SETD5: variants seen among roughly 807,000 people sequenced by gnomAD.
The protein encoded by SETD5 is SET domain containing 5.
SETD5 carries 44 observed loss-of-function variants against 153.3 expected under a neutral mutation model. The ratio of observed to expected loss-of-function variants is 0.29; its 90% CI spans 0.23 to 0.37. The LOEUF is 0.37. Ranked by LOEUF, SETD5 falls within the 10% of genes least tolerant of loss-of-function variation. The probability of loss-of-function intolerance (pLI) is 1.00; values close to 1 mark genes in which losing one functional copy is unlikely to be tolerated. For missense variants in SETD5, 1,544 were observed against 1,768.0 expected (o/e 0.87, Z 2.27); for synonymous variants, 716 against 645.2 (o/e 1.11, Z -1.66).
At chr3:9,410,430 A>G (rs2036387062) in intron 1 of SETD5, among the ~76,000 whole-genome samples, 1 of 152,196 alleles carries the variant, frequency 6.6e-6, no homozygotes, top group African/African-American at 2.4e-5. Flanking sequence ...ATAGTTCTCT[A>G]TGGTTGTGCC....
intron 1 of SETD5, among the ~76,000 whole-genome samples, chr3:9,413,489 C>T (rs1239816521): frequency 6.6e-6 from 1 of 152,116 alleles, no homozygotes; most frequent in Non-Finnish European, 1.5e-5. Flanking sequence ...TGCTGCCCAT[C>T]TGTAGTTTTG....
Position 9,452,659 on chromosome 3 carries a change from A to ATTTTTTTTTT in SETD5, c.2347-1064_2347-1055dup, listed in dbSNP as rs1164278885. On this transcript the variant is annotated intron_variant, in intron 16 of 22. Coordinates refer to ENST00000402198, the MANE Select transcript of SETD5 (RefSeq NM_001080517.3). ...CACAATGACATTTGTATGATGTAAG[A>ATTTTTTTTTT]TTTTTTTTTTTTTTTTTTTTTTTTT... 8.4e-5 allele frequency among the ~76,000 whole-genome samples: 5 copies of ATTTTTTTTTT among 59,822 alleles called. No individual in the cohort carries two copies. In the East Asian group the frequency reaches 2.1e-3, roughly 25 times the overall value. 39.2% of individuals were successfully genotyped at this position (59,822 alleles called of 152,430 possible). A position where few individuals can be genotyped will look rare whatever the true frequency, so the allele number is the denominator to read the frequency against.
chr3:9,469,431 T>A (rs2045034639), intron 18 of SETD5, among the ~76,000 whole-genome samples: 2 of 152,304 alleles, frequency 1.3e-5, no homozygotes, highest in South Asian at 4.1e-4. Context: ...TTTAACCCTA[T>A]CCCCTTCCAA....
At chr3:9,448,753 A>G in intron 16 of SETD5, 123 bp downstream of exon 16, 1 of 934,834 alleles carries the variant, frequency 1.1e-6, no homozygotes. Flanking sequence ...TGCCCATGTG[A>G]GTTTATAATG....
At chr3:9,471,473 C>T (rs2045294420) in intron 19 of SETD5, among the ~76,000 whole-genome samples, 1 of 152,144 alleles carries the variant, frequency 6.6e-6, no homozygotes, top group Admixed American at 6.5e-5. Context: ...AGGTATGTTA[C>T]AGTAGAGGGA....
intron 13 of SETD5, among the ~76,000 whole-genome samples, chr3:9,446,221 A>AGCTT (rs1339427580): frequency 7.3e-6 from 1 of 136,876 alleles, no homozygotes; most frequent in Non-Finnish European, 1.5e-5. Context: ...TGGGAGGCAG[A>AGCTT]GCTTGCAGTG....
rs769599114 is a variant in SETD5 at position 9,464,501 on chromosome 3, G to T, written c.2553G>T (p.Leu851=). The change falls in exon 18 of 23, where the codon CTG becomes CTT. Residue 851 remains leucine (L), a synonymous_variant. Coordinates refer to ENST00000402198, the MANE Select transcript of SETD5 (RefSeq NM_001080517.3). ...ATGTCACCAAGTTACTTCGGCCTCT[G>T]TCTCCAGTCACACCACCCCCTCCCA... ...EQNVTKLLRP[L]SPVTPPPPNS... 6.2e-7 allele frequency: 1 copy of T among 1,614,000 alleles called. No homozygotes were observed. Among genetic ancestry groups the T allele is most frequent in the Non-Finnish European group, 8.5e-7 (1 of 1,179,888 alleles).
intron 6 of SETD5, among the ~76,000 whole-genome samples, chr3:9,435,417 C>T (rs1305859714): frequency 6.6e-6 from 1 of 152,054 alleles, no homozygotes; most frequent in Non-Finnish European, 1.5e-5. Context: ...CTTGTGAACA[C>T]AAAAAATATG....
intron 3 of SETD5, 24 bp downstream of exon 3, chr3:9,429,033 AG>A (rs1203466784): frequency 6.4e-7 from 1 of 1,567,538 alleles, no homozygotes; most frequent in African/African-American, 1.4e-5. Flanking sequence ...TCTAGGTAGT[AG>A]GTACATTATC....
chr3:9,443,353 G>T lies in SETD5; in HGVS notation c.1123G>T (p.Ala375Ser). 6.5e-7 allele frequency: 1 copy of T among 1,527,308 alleles called. No homozygotes were observed. The highest frequency in any genetic ancestry group is 8.8e-7 in the Non-Finnish European group (1 of 1,137,248). 94.6% of individuals were successfully genotyped at this position (1,527,308 alleles called of 1,614,324 possible). Residue 375 changes from alanine to serine, a missense_variant, in exon 11 of 23, where the codon GCT becomes TCT. By Grantham distance (99) the Ala-to-Ser change is moderately conservative. Around this residue, in one of 9 missense-constraint regions of SETD5, gnomAD observed 46 missense variants for 111.8 expected, o/e 0.41. Transcript: ENST00000402198. The stretch of plus-strand genomic sequence containing the variant: ...TGGGATGATTCACCTGTGCATCTAT[G>T]CTGTGTCTGCCATCACCAAGGATGC... ...ADGMIHLCIY[A>S]VSAITKDAEV...
intron 1 of SETD5, among the ~76,000 whole-genome samples, chr3:9,414,786 A>G (rs1575228588): frequency 6.6e-6 from 1 of 152,246 alleles, no homozygotes; most frequent in East Asian, 1.9e-4. Flanking sequence ...GGAGGTCTTC[A>G]ATGGATTTGT....
At chr3:9,431,833 C>A in intron 3 of SETD5, 1 of 579,642 alleles carries the variant, frequency 1.7e-6, no homozygotes, top group African/African-American at 2.0e-5. Context: ...GTCCCCCTCC[C>A]ACCAAAAAAA....
At chr3:9,437,682 T>C (rs1158686048) in intron 7 of SETD5, among the ~76,000 whole-genome samples, 1 of 152,090 alleles carries the variant, frequency 6.6e-6, no homozygotes, top group South Asian at 2.1e-4. Context: ...ATCTTTCCTA[T>C]TGAGAGTTAT....
At chr3:9,422,051 T>A (rs1260041068) in intron 1 of SETD5, among the ~76,000 whole-genome samples, 1 of 152,150 alleles carries the variant, frequency 6.6e-6, no homozygotes, top group Non-Finnish European at 1.5e-5. Flanking sequence ...AAATAACTTT[T>A]TATAATTTTA....
chr3:9,474,394 T>C, intron 20 of SETD5, 55 bp from the exon 21 acceptor site: 3 of 1,593,798 alleles, frequency 1.9e-6, no homozygotes, highest in South Asian at 1.1e-5. Context: ...GGTTAGGGCT[T>C]CATTTGTTTT....
In SETD5 at chr3:9,434,186, T is replaced by C; in HGVS notation, c.178-148T>C. The C allele has an allele frequency of 6.5e-7, 1 of 1,549,100 alleles. No individual in the cohort carries two copies. On this transcript the variant is annotated intron_variant, in intron 4 of 22. Transcript: ENST00000402198. The surrounding 1 kb of genome is among the most constrained non-coding windows in gnomAD (Gnocchi z 5.6). The stretch of plus-strand genomic sequence containing the variant: ...GTTGAAGCCAAAAAACAAAGGGTAC[T>C]ACTTTCTTCTTTCTTTCCATATGTA...
chr3:9,430,566 A>G (rs2039839995), intron 3 of SETD5: 1 of 197,194 alleles, frequency 5.1e-6, no homozygotes, highest in South Asian at 1.7e-4. Flanking sequence ...GTAGGTAGCC[A>G]GTTTGTATTG....
chr3:9,441,570 G>C, intron 8 of SETD5, 23 bp from the exon 9 acceptor site: 1 of 1,612,348 alleles, frequency 6.2e-7, no homozygotes, highest in Non-Finnish European at 8.5e-7. Context: ...GTTGTTTAAT[G>C]TTATTGCTCT....
chr3:9,475,652 C>T lies in SETD5; in HGVS notation c.3890C>T (p.Thr1297Met), dbSNP rs777269897. ...HGSSESSLSS[T>M]SYSSPAHPVS... ...TCTTCAGAATCATCCCTCTCTTCCACGTCCTATTCCAGCCCCGCCCACCCT... is the reference window on the plus strand; with the variant it reads ...TCTTCAGAATCATCCCTCTCTTCCATGTCCTATTCCAGCCCCGCCCACCCT... The change falls in exon 23 of 23, where the codon ACG becomes ATG. Residue 1297 changes from threonine (T) to methionine (M), a missense_variant. Coordinates refer to ENST00000402198, the MANE Select transcript of SETD5 (RefSeq NM_001080517.3). 4.3e-6 allele frequency: 7 copies of T among 1,613,982 alleles called. No individual in the cohort carries two copies. The highest frequency in any genetic ancestry group is 3.3e-5 in the Admixed American group (2 of 60,028).
Sources: allele counts gnomAD v4.1 joint callset (sites outside exome capture counted in the v4.1 genomes callset), GRCh38; gene constraint gnomAD v4.1.1; regional missense constraint gnomAD v4.1.1; non-coding constraint Gnocchi (gnomAD v3.1); transcripts MANE v1.5; gene names NCBI Gene and HGNC (gene_info 2026-07-23, HGNC 2026-07-21).